Variants in WDR5 observed in about 807,000 individuals in gnomAD.
The protein encoded by WDR5 is WD repeat domain 5, also known as WD repeat-containing protein 5.
For missense variants in WDR5, 187 were observed against 416.9 expected (o/e 0.45, Z 4.80); for synonymous variants, 144 against 161.6 (o/e 0.89, Z 0.83).
In WDR5 at chr9:134,148,355, C is replaced by T; in HGVS notation, c.584+12C>T. On this transcript the variant is annotated intron_variant, in intron 8 of 13. Transcript: ENST00000358625. ...TATGATGGTCTCTGGTAAGTGAAAA[C>T]ATTTTACTTCATGAAGCGATGAGTG... The T allele has an allele frequency of 6.2e-7, 1 of 1,609,294 alleles. No individual in the cohort carries two copies. Among genetic ancestry groups the T allele is most frequent in the South Asian group, 1.1e-5 (1 of 90,930 alleles).
At chr9:134,151,239 G>T (rs372073447) in intron 8 of WDR5, among the ~76,000 whole-genome samples, 4 of 152,284 alleles carry the variant, frequency 2.6e-5, no homozygotes, top group South Asian at 2.1e-4. Context: ...GATTATTGAA[G>T]TGTGGGCAGA....
intron 13 of WDR5, among the ~76,000 whole-genome samples, 167 bp downstream of exon 13, chr9:134,156,760 G>A (rs756986561): frequency 4.2e-4 from 64 of 152,346 alleles, no homozygotes; most frequent in Middle Eastern, 3.4e-3. Flanking sequence ...CCAAGGCATG[G>A]AGCTGGTCAC....
At chr9:134,152,655 G>C (rs762775300) in intron 9 of WDR5, among the ~76,000 whole-genome samples, 2 of 152,236 alleles carry the variant, frequency 1.3e-5, no homozygotes, top group Non-Finnish European at 2.9e-5. Context: ...GGGATGGGGC[G>C]CACCTTGAGG....
chr9:134,156,701 C>G (rs1445516893), intron 13 of WDR5, 108 bp downstream of exon 13: 8 of 1,085,426 alleles, frequency 7.4e-6, no homozygotes, highest in South Asian at 7.1e-5. Context: ...CCCTTCCCAC[C>G]TCAGCCCTCC....
At position 134,139,837 on chromosome 9, in the gene WDR5, G is replaced by T. The variant is rs747045855; in HGVS notation, c.-41G>T. On this transcript the variant is annotated 5_prime_UTR_variant, in exon 2 of 14. Transcript: ENST00000358625. ...CTCAACAGACTGCCTCTGTCACCGG[G>T]TCCCTCCACCCTTGTCTCCTGTGCG... is the stretch of plus-strand genomic sequence containing the variant. 5 of 1,609,900 alleles carry T rather than the reference G, an allele frequency of 3.1e-6. No individual in the cohort carries two copies. Among genetic ancestry groups the T allele is most frequent in the Non-Finnish European group, 4.2e-6 (5 of 1,177,114 alleles).
At position 134,159,496 on chromosome 9, in the gene WDR5, G is replaced by C. The variant is rs1832899735; in HGVS notation, c.*1503G>C. The C allele has an allele frequency of 6.6e-6, 1 of 152,406 alleles. No individual in the cohort carries two copies. Among genetic ancestry groups the C allele is most frequent in the Non-Finnish European group, 1.5e-5 (1 of 68,206 alleles). 9.4% of individuals were successfully genotyped at this position (152,406 alleles called of 1,614,324 possible). ...GCAGGTTTTTGGTTGCACCGGCCCA[G>C]GGAGGAAGCGGGGGGTTTGTCAGGT... On this transcript the variant is annotated 3_prime_UTR_variant, in exon 14 of 14. Coordinates refer to ENST00000358625, the MANE Select transcript of WDR5 (RefSeq NM_017588.3). The surrounding 1 kb of genome is among the most constrained non-coding windows in gnomAD (Gnocchi z 4.3).
chr9:134,143,827 T>TAAAAA (rs202164502), intron 7 of WDR5, among the ~76,000 whole-genome samples: 1 of 134,656 alleles, frequency 7.4e-6, no homozygotes, highest in Non-Finnish European at 1.6e-5. Flanking sequence ...AACTCTGTCT[T>TAAAAA]TAAAAAAAAA....
rs762565593 is a variant in WDR5 at position 134,155,679 on chromosome 9, C to T, written c.742-14C>T. 84 of 1,613,374 alleles carry T rather than the reference C, an allele frequency of 5.2e-5. 1 individual carries two copies. The South Asian group carries it at 8.9e-4, about 17-fold the overall frequency. On this transcript the variant is annotated splice_polypyrimidine_tract_variant and intron_variant, in intron 11 of 13. Transcript: ENST00000358625. ...ACCATGACTCTGTGACCAGCCTGTCCCCTCCTGTTTCAGTGCCTGAAGACG... is the reference window on the plus strand; with the variant it reads ...ACCATGACTCTGTGACCAGCCTGTCTCCTCCTGTTTCAGTGCCTGAAGACG...
At chr9:134,142,295 A>G in intron 5 of WDR5, 38 bp from the exon 6 acceptor site, 4 of 1,594,706 alleles carry the variant, frequency 2.5e-6, no homozygotes, top group Non-Finnish European at 3.4e-6. Flanking sequence ...GTTTGGGGAA[A>G]TAAGCACTGG....
upstream of WDR5, chr9:134,135,835 A>C (rs1831507697): frequency 6.6e-6 from 1 of 152,162 alleles, no homozygotes; most frequent in South Asian, 2.1e-4. Context: ...GCACACTAGC[A>C]CTTTCCTGTA....
At chr9:134,144,602 G>T (rs1021984444) in intron 7 of WDR5, among the ~76,000 whole-genome samples, 1 of 152,166 alleles carries the variant, frequency 6.6e-6, no homozygotes, top group East Asian at 1.9e-4. Context: ...CACTTTGGGT[G>T]GCTGAGGCAG....
chr9:134,154,632 GT>G, intron 10 of WDR5, 91 bp downstream of exon 10: 1 of 1,445,486 alleles, frequency 6.9e-7, no homozygotes. Flanking sequence ...AGAGCGTGTT[GT>G]GGGCTTGGCA....
chr9:134,152,362 C>A (rs1320593701), intron 9 of WDR5, among the ~76,000 whole-genome samples: 2 of 152,220 alleles, frequency 1.3e-5, no homozygotes, highest in African/African-American at 4.8e-5. Context: ...GTCGTGCCAG[C>A]CTCTTGGATC....
chr9:134,152,075 C>T, intron 9 of WDR5, 46 bp downstream of exon 9: 1 of 1,603,114 alleles, frequency 6.2e-7, no homozygotes, highest in African/African-American at 1.3e-5. Flanking sequence ...GGAGGGCCTC[C>T]CCTGCTGGGT....
In WDR5 at chr9:134,136,192, G is replaced by A. The variant is rs1290578202; in HGVS notation, c.-67G>A. ...CCGAGCGCCCGGCCCCGCCGCCGCG[G>A]CCCGGCAGGTAAGCGGGCAGCCGCC... On this transcript the variant is annotated 5_prime_UTR_variant, in exon 1 of 14. Transcript: ENST00000358625. 6.8e-6 allele frequency: 1 copy of A among 147,712 alleles called. No homozygotes were observed. The highest frequency in any genetic ancestry group is 2.0e-4 in the East Asian group (1 of 5,102). 9.2% of individuals were successfully genotyped at this position (147,712 alleles called of 1,614,324 possible). A position where few individuals can be genotyped will look rare whatever the true frequency, so the allele number is the denominator to read the frequency against.
upstream of WDR5, chr9:134,135,434 G>T (rs1831492453): frequency 6.6e-6 from 1 of 152,240 alleles, no homozygotes; most frequent in African/African-American, 2.4e-5. Flanking sequence ...GGGGCTGGCG[G>T]GGAGCAGGTT....
At chr9:134,139,303 A>G (rs891677550) in intron 1 of WDR5, among the ~76,000 whole-genome samples, 1 of 152,308 alleles carries the variant, frequency 6.6e-6, no homozygotes, top group East Asian at 1.9e-4. Flanking sequence ...GAGCCCCCCC[A>G]TGAGGCGTAG....
At chr9:134,150,357 T>C (rs1441275120) in intron 8 of WDR5, among the ~76,000 whole-genome samples, 1 of 152,234 alleles carries the variant, frequency 6.6e-6, no homozygotes, top group African/African-American at 2.4e-5. Flanking sequence ...TGTTATTAAT[T>C]AGTAGGGGTC....
In WDR5 at chr9:134,157,307, G is replaced by C. The variant is rs568060743; in HGVS notation, c.905-586G>C. Among the ~76,000 whole-genome samples, 5 of 152,286 alleles carry C rather than the reference G, an allele frequency of 3.3e-5. No individual in the cohort carries two copies. In the South Asian group the frequency reaches 1.0e-3, roughly 32 times the overall value. On this transcript the variant is annotated intron_variant, in intron 13 of 13. Transcript: ENST00000358625. The surrounding 1 kb of genome is among the most constrained non-coding windows in gnomAD (Gnocchi z 5.0). ...GGCGTTCTGGGGTTCTTTGGTTTACGTAGAAGCTGTAAACACTTTGATGTG... is the reference window on the plus strand; with the variant it reads ...GGCGTTCTGGGGTTCTTTGGTTTACCTAGAAGCTGTAAACACTTTGATGTG...
Sources: allele counts gnomAD v4.1 joint callset (sites outside exome capture counted in the v4.1 genomes callset), GRCh38; gene constraint gnomAD v4.1.1; non-coding constraint Gnocchi (gnomAD v3.1); transcripts MANE v1.5; gene names NCBI Gene and HGNC (gene_info 2026-07-23, HGNC 2026-07-21).